TAAR5: variants seen among roughly 807,000 people sequenced by gnomAD.
TAAR5 encodes trace amine-associated receptor 5.
In TAAR5, 27 loss-of-function variants were observed where a neutral mutation model predicts 21.1. The observed-to-expected ratio is 1.28, with a 90% CI of 0.94 to 1.76. The LOEUF (loss-of-function observed/expected upper bound fraction) is 1.76. Ranked by LOEUF, TAAR5 falls within the 40% of genes most tolerant of loss-of-function variation. The probability of loss-of-function intolerance (pLI) is 0.00; values close to 1 mark genes in which losing one functional copy is unlikely to be tolerated. For synonymous variants in TAAR5, 203 were observed against 167.5 expected (o/e 1.21, Z -1.64); for missense variants, 495 against 405.6 (o/e 1.22, Z -1.89).
chr6:132,588,881 G>A lies in TAAR5; in HGVS notation c.806C>T (p.Thr269Ile), dbSNP rs749696659. ...GAGGCTGTCGACCATCGTGTCTATGGTGAAGGGCAGCCAGCACAAGAGGTA... is the reference window on the plus strand; with the variant it reads ...GAGGCTGTCGACCATCGTGTCTATGATGAAGGGCAGCCAGCACAAGAGGTA... ...GIYLLCWLPF[T>I]IDTMVDSLLH... The change falls in exon 1 of 1, where the codon ACC (threonine) becomes ATC (isoleucine). Residue 269 changes from threonine (T) to isoleucine (I), a missense_variant. Thr to Ile is a moderately conservative substitution (Grantham distance 89). Transcript: ENST00000258034. 2 of 1,613,958 alleles carry A rather than the reference G, an allele frequency of 1.2e-6. No homozygotes were observed. The highest frequency in any genetic ancestry group is 1.3e-5 in the African/African-American group (1 of 74,900).
At chr6:132,609,472 C>T in the TAAR5 span, among the ~76,000 whole-genome samples, 23,429 of 152,050 alleles carry the variant, frequency 0.15, 4,635 homozygotes, top group African/African-American at 0.46. Context: ...TTACTTGGTA[C>T]GTTAGAAAAA....
upstream of TAAR5, among the ~76,000 whole-genome samples, chr6:132,593,388 A>C (rs1341302571): frequency 2.0e-5 from 3 of 152,220 alleles, no homozygotes; most frequent in Non-Finnish European, 4.4e-5. Context: ...CACTTGGCAC[A>C]TAGTAGGTGC....
upstream of TAAR5, among the ~76,000 whole-genome samples, chr6:132,590,108 T>A (rs1776885861): frequency 6.6e-6 from 1 of 152,230 alleles, no homozygotes; most frequent in Admixed American, 6.5e-5. Flanking sequence ...AAATGTAAAG[T>A]GAAATTTAAA....
At chr6:132,610,238 C>G in the TAAR5 span, among the ~76,000 whole-genome samples, 2 of 152,112 alleles carry the variant, frequency 1.3e-5, no homozygotes, top group African/African-American at 2.4e-5. Flanking sequence ...TCTGAAAAGC[C>G]ACTCCCTAGC....
chr6:132,605,174 AG>A, the TAAR5 span, among the ~76,000 whole-genome samples: 1 of 152,232 alleles, frequency 6.6e-6, no homozygotes, highest in Non-Finnish European at 1.5e-5. Flanking sequence ...CTGGGCGGAG[AG>A]GGCTTGGGGC....
the TAAR5 span, among the ~76,000 whole-genome samples, chr6:132,607,955 G>A: frequency 2.6e-5 from 4 of 152,120 alleles, no homozygotes; most frequent in East Asian, 3.9e-4. Flanking sequence ...TGTAAATCTA[G>A]GCCAACCTAG....
At chr6:132,607,991 C>T in the TAAR5 span, among the ~76,000 whole-genome samples, 213 of 152,270 alleles carry the variant, frequency 1.4e-3, no homozygotes, top group African/African-American at 4.7e-3. Context: ...ATATTTCTTT[C>T]GTACATTTTC....
In TAAR5 at chr6:132,588,829, G is replaced by C. The variant is rs759678033; in HGVS notation, c.858C>G (p.Val286=). The C allele has an allele frequency of 2.5e-6, 4 of 1,614,116 alleles. No homozygotes were observed. The highest frequency in any genetic ancestry group is 1.7e-6 in the Non-Finnish European group (2 of 1,179,996). Residue 286 remains valine (V), a synonymous_variant, in exon 1 of 1, where the codon GTC becomes GTG. Coordinates refer to ENST00000258034, the MANE Select transcript of TAAR5 (RefSeq NM_003967.3). ...SLLHFITPPL[V]FDIFIWFAYF... ...AAGCAAACCAGATAAAGATGTCAAA[G>C]ACCAGTGGGGGTGTGATAAAGTGAA...
At chr6:132,613,463 T>G in the TAAR5 span, among the ~76,000 whole-genome samples, 1 of 152,298 alleles carries the variant, frequency 6.6e-6, no homozygotes, top group East Asian at 1.9e-4. Context: ...TTATGTTGAA[T>G]CACATAGCCT....
the TAAR5 span, among the ~76,000 whole-genome samples, chr6:132,616,380 T>G: frequency 6.6e-6 from 1 of 152,202 alleles, no homozygotes; most frequent in South Asian, 2.1e-4. Context: ...TTAGTAGATA[T>G]TCCACATTTA....
the TAAR5 span, among the ~76,000 whole-genome samples, chr6:132,611,719 A>G: frequency 6.6e-6 from 1 of 152,186 alleles, no homozygotes; most frequent in African/African-American, 2.4e-5. Context: ...AGCAGACCCT[A>G]AAAGAATGAT....
At chr6:132,589,835 G>A (rs1776880510), upstream of TAAR5, 2 of 649,478 alleles carry the variant, frequency 3.1e-6, no homozygotes, top group Non-Finnish European at 4.9e-6. Context: ...GTACAGTTTG[G>A]AACATAGTAC....
At chr6:132,591,056 G>C (rs1776899411), upstream of TAAR5, among the ~76,000 whole-genome samples, 1 of 152,170 alleles carries the variant, frequency 6.6e-6, no homozygotes, top group Non-Finnish European at 1.5e-5. Flanking sequence ...GATGGTGAAA[G>C]AAAGCATGGT....
the TAAR5 span, among the ~76,000 whole-genome samples, chr6:132,596,818 G>T: frequency 6.6e-6 from 1 of 152,100 alleles, no homozygotes; most frequent in Non-Finnish European, 1.5e-5. Flanking sequence ...TTACTAGTCA[G>T]TTTGGTTCCA....
At chr6:132,616,231 T>C in the TAAR5 span, among the ~76,000 whole-genome samples, 1 of 152,180 alleles carries the variant, frequency 6.6e-6, no homozygotes, top group Non-Finnish European at 1.5e-5. Context: ...ACATCACTGG[T>C]CACAGCCCAT....
At chr6:132,591,147 G>A (rs1483955486), upstream of TAAR5, among the ~76,000 whole-genome samples, 1 of 152,120 alleles carries the variant, frequency 6.6e-6, no homozygotes, top group Non-Finnish European at 1.5e-5. Context: ...CTCTCTCTCT[G>A]CTTCCCCATT....
rs781004698 is a variant in TAAR5 at position 132,589,374 on chromosome 6, A to G, written c.313T>C (p.Phe105Leu). ...AGGTAGGTGTGCAGGCGGCAGAGGA[A>G]GTCCCCGAAGAACCAGCAGCTCTCC... ...SVESCWFFGD[F>L]LCRLHTYLDT... The change falls in exon 1 of 1, where the codon TTC becomes CTC. Residue 105 changes from phenylalanine (F) to leucine (L), a missense_variant. Coordinates refer to ENST00000258034, the MANE Select transcript of TAAR5 (RefSeq NM_003967.3). 72 of 1,614,106 alleles carry G rather than the reference A, an allele frequency of 4.5e-5. No homozygotes were observed. The highest frequency in any genetic ancestry group is 5.7e-5 in the Non-Finnish European group (67 of 1,179,980).
the TAAR5 span, among the ~76,000 whole-genome samples, chr6:132,600,839 GGGAA>G: frequency 4.2e-5 from 4 of 96,380 alleles, no homozygotes; most frequent in South Asian, 3.8e-4. Context: ...GAAGGAAGGA[GGGAA>G]GGAAGGAAGG....
the TAAR5 span, among the ~76,000 whole-genome samples, chr6:132,598,127 A>G: frequency 5.3e-5 from 8 of 152,198 alleles, no homozygotes; most frequent in African/African-American, 1.9e-4. Context: ...ACATAGCCCA[A>G]ACAATCTACT....
Sources: gnomAD v4.1 joint callset for allele counts (sites outside exome capture counted in the v4.1 genomes callset) on GRCh38, gnomAD v4.1.1 for gene constraint, MANE v1.5 for transcripts, NCBI Gene and HGNC (gene_info 2026-07-23, HGNC 2026-07-21) for gene names.